HSF5: variants seen among roughly 807,000 people sequenced by gnomAD.
The protein encoded by HSF5 is heat shock transcription factor 5.
A neutral mutation model predicts 50.8 loss-of-function variants in HSF5; 5 were observed. The observed-to-expected ratio is 0.10, with a 90% CI of 0.05 to 0.21. The LOEUF is 0.21. Ranked by LOEUF, HSF5 falls within the 10% of genes least tolerant of loss-of-function variation. HSF5 has a pLI of 1.00. For synonymous variants in HSF5, 307 were observed against 307.4 expected (o/e 1.00, Z 0.02); for missense variants, 564 against 762.6 (o/e 0.74, Z 3.07).
In HSF5 at chr17:58,458,911, C is replaced by A. The variant is rs1225872264; in HGVS notation, c.1577G>T (p.Arg526Leu). ...DANIKCQTSS[R>L]ENILPSEQMG... ...CTGTTCTGACGGCAAGATATTCTCACGTGAACTGGTCTGGCATTTTATGTT... is the reference window on the plus strand; with the variant it reads ...CTGTTCTGACGGCAAGATATTCTCAAGTGAACTGGTCTGGCATTTTATGTT... Residue 526 changes from arginine (R) to leucine (L), a missense_variant, in exon 5 of 6, where the codon CGT becomes CTT. Physicochemically the swap from Arg to Leu is moderately radical, Grantham distance 102. Transcript: ENST00000323777. The A allele has an allele frequency of 6.2e-7, 1 of 1,613,372 alleles. No homozygotes were observed. The highest frequency in any genetic ancestry group is 8.5e-7 in the Non-Finnish European group (1 of 1,179,824).
intron 5 of HSF5, among the ~76,000 whole-genome samples, chr17:58,432,383 G>A (rs1015236281): frequency 1.3e-5 from 2 of 152,162 alleles, no homozygotes; most frequent in Admixed American, 1.3e-4. Flanking sequence ...GGAACAGGGT[G>A]CCATTTCAGA....
intron 5 of HSF5, among the ~76,000 whole-genome samples, chr17:58,428,339 A>T (rs1237609948): frequency 6.6e-6 from 1 of 152,228 alleles, no homozygotes; most frequent in East Asian, 1.9e-4. Flanking sequence ...TCATGAAAGG[A>T]TTAGTCATTA....
intron 2 of HSF5, among the ~76,000 whole-genome samples, chr17:58,467,967 A>G (rs183190890): frequency 3.3e-5 from 5 of 152,374 alleles, no homozygotes; most frequent in East Asian, 1.9e-4. Context: ...TTCCAGGCAC[A>G]GTAGTAAATG....
chr17:58,460,592 C>T (rs986210085), intron 4 of HSF5, among the ~76,000 whole-genome samples: 1 of 151,462 alleles, frequency 6.6e-6, no homozygotes, highest in African/African-American at 2.4e-5. Flanking sequence ...TCGCCACAAG[C>T]TCCACCTCCT....
intron 4 of HSF5, among the ~76,000 whole-genome samples, chr17:58,460,476 TATAC>T (rs1386974109): frequency 6.1e-4 from 70 of 114,784 alleles, no homozygotes; most frequent in Middle Eastern, 4.9e-3. Context: ...TATACATATA[TATAC>T]ACACACACAC....
In HSF5 at chr17:58,480,050, A is replaced by C. The variant is rs778317774; in HGVS notation, c.768T>G (p.Pro256=). The C allele has an allele frequency of 6.2e-7, 1 of 1,614,208 alleles. No homozygotes were observed. The highest frequency in any genetic ancestry group is 2.2e-5 in the East Asian group (1 of 44,886). Residue 256 remains proline, a synonymous_variant, in exon 2 of 6, where the codon CCT becomes CCG. Coordinates refer to ENST00000323777, the MANE Select transcript of HSF5 (RefSeq NM_001080439.3). ...PTFSDKGVPF[P]VLQRFPTEVT... Reference sequence around the variant, plus strand: ...CCTCAGTTGGAAACCTCTGGAGTACAGGAAACGGAACCCCTTTATCTGAAA... The same window carrying C: ...CCTCAGTTGGAAACCTCTGGAGTACCGGAAACGGAACCCCTTTATCTGAAA...
chr17:58,456,033 C>T (rs930376018), intron 5 of HSF5, among the ~76,000 whole-genome samples: 1 of 152,108 alleles, frequency 6.6e-6, no homozygotes, highest in Middle Eastern at 3.4e-3. Flanking sequence ...TCTCCACACC[C>T]GTGTTTACCA....
chr17:58,440,057 A>C (rs977017793), intron 5 of HSF5, among the ~76,000 whole-genome samples: 2 of 152,142 alleles, frequency 1.3e-5, no homozygotes, highest in Non-Finnish European at 2.9e-5. Flanking sequence ...ATTGAAGACA[A>C]CTAAAAAACC....
chr17:58,435,795 A>G (rs1974420616), intron 5 of HSF5, among the ~76,000 whole-genome samples: 1 of 146,990 alleles, frequency 6.8e-6, no homozygotes, highest in South Asian at 2.3e-4. Context: ...GCTACTCGGG[A>G]GGCTGAGGCA....
chr17:58,434,311 C>T (rs914895535), intron 5 of HSF5, among the ~76,000 whole-genome samples: 3 of 152,056 alleles, frequency 2.0e-5, no homozygotes, highest in Non-Finnish European at 4.4e-5. Flanking sequence ...GGCGTAGTGG[C>T]TCATGCCTAT....
At chr17:58,425,572 T>G in intron 5 of HSF5, among the ~76,000 whole-genome samples, 1 of 52,466 alleles carries the variant, frequency 1.9e-5, no homozygotes, top group Non-Finnish European at 3.8e-5. Context: ...AAGACCTCTA[T>G]CTCAAAAAAA....
chr17:58,450,064 G>A (rs1232535182), intron 5 of HSF5, among the ~76,000 whole-genome samples: 2 of 147,660 alleles, frequency 1.4e-5, no homozygotes, highest in Admixed American at 6.9e-5. Context: ...GGCTGGACAC[G>A]GTAGCTCACA....
At chr17:58,487,083 T>C (rs529251762) in intron 1 of HSF5, among the ~76,000 whole-genome samples, 1 of 152,028 alleles carries the variant, frequency 6.6e-6, no homozygotes, top group East Asian at 1.9e-4. Flanking sequence ...AATTTTTGTA[T>C]TTTTAGTAGA....
chr17:58,431,745 T>C (rs902643106), intron 5 of HSF5, among the ~76,000 whole-genome samples: 17 of 152,226 alleles, frequency 1.1e-4, no homozygotes, highest in African/African-American at 4.1e-4. Context: ...CTATTGGACC[T>C]AGCACAGTAC....
In HSF5 at chr17:58,462,924, G is replaced by A. The variant is rs765685216; in HGVS notation, c.1400C>T (p.Ala467Val). 1 of 1,614,186 alleles carries A rather than the reference G, an allele frequency of 6.2e-7. No individual in the cohort carries two copies. The highest frequency in any genetic ancestry group is 1.1e-5 in the South Asian group (1 of 91,086). Residue 467 changes from alanine (A) to valine (V), a missense_variant, in exon 4 of 6, where the codon GCT (alanine) becomes GTT (valine). This residue lies in a region of HSF5 where 441 missense variants were observed against 533.6 expected (regional missense o/e 0.83). Coordinates refer to ENST00000323777, the MANE Select transcript of HSF5 (RefSeq NM_001080439.3). ...TATTGTGCTATTTTCAACAGGCTGA[G>A]CTGTGTGGATGGTATAGATGTACTC... ...SPEYIYTIHT[A>V]QPVENSTIQE...
chr17:58,471,923 A>G (rs1974950920), intron 2 of HSF5, among the ~76,000 whole-genome samples: 1 of 152,058 alleles, frequency 6.6e-6, no homozygotes, highest in Non-Finnish European at 1.5e-5. Flanking sequence ...GCGCGATCTC[A>G]GCTCACTGCA....
intron 5 of HSF5, among the ~76,000 whole-genome samples, chr17:58,423,857 C>G (rs908172552): frequency 6.6e-6 from 1 of 152,140 alleles, no homozygotes; most frequent in African/African-American, 2.4e-5. Flanking sequence ...AGCACAAACC[C>G]TTTATTTCAT....
rs942795701 is a variant in HSF5 at position 58,431,386 on chromosome 17, A to G, written c.1721-8956T>C. Among the ~76,000 whole-genome samples, 7 of 152,206 alleles carry G rather than the reference A, an allele frequency of 4.6e-5. No individual in the cohort carries two copies. In the South Asian group the frequency reaches 1.4e-3, roughly 32 times the overall value. On this transcript the variant is annotated intron_variant, in intron 5 of 5. Coordinates refer to ENST00000323777, the MANE Select transcript of HSF5 (RefSeq NM_001080439.3). ...ATAACACAATAGTAAGTATTTATGT[A>G]TCTAAACATAGAAAAGGTACCATAA...
intron 2 of HSF5, among the ~76,000 whole-genome samples, chr17:58,478,060 T>G (rs1433763659): frequency 6.6e-6 from 1 of 151,986 alleles, no homozygotes; most frequent in Non-Finnish European, 1.5e-5. Flanking sequence ...CTTATTTCTA[T>G]TGCCTCATTT....
Sources: allele counts gnomAD v4.1 joint callset (sites outside exome capture counted in the v4.1 genomes callset), GRCh38; gene constraint gnomAD v4.1.1; regional missense constraint gnomAD v4.1.1; transcripts MANE v1.5; gene names NCBI Gene and HGNC (gene_info 2026-07-23, HGNC 2026-07-21).